Variants in UBXN6 observed in about 807,000 individuals in gnomAD.
The protein encoded by UBXN6 is UBX domain-containing protein 6.
Under a neutral mutation model 51.4 loss-of-function variants are expected in UBXN6, and 44 were observed. That is an observed-to-expected ratio of 0.86 (90% CI 0.67 to 1.10). The LOEUF (loss-of-function observed/expected upper bound fraction) is 1.10, where lower values mean the gene tolerates loss of function less well. UBXN6 is among the 50% of genes least tolerant of loss of function. The probability of loss-of-function intolerance (pLI) is 0.00; values close to 1 mark genes in which losing one functional copy is unlikely to be tolerated. For missense variants in UBXN6, 672 were observed against 596.1 expected (o/e 1.13, Z -1.32); for synonymous variants, 316 against 263.2 (o/e 1.20, Z -1.94).
At chr19:4,455,968 T>A (rs1429074026) in intron 1 of UBXN6, among the ~76,000 whole-genome samples, 1 of 151,990 alleles carries the variant, frequency 6.6e-6, no homozygotes, top group Non-Finnish European at 1.5e-5. Flanking sequence ...ATCGGCTCCC[T>A]CTAGAAGGTG....
At chr19:4,448,634 A>G (rs1974591847) in intron 4 of UBXN6, 6 of 580,692 alleles carry the variant, frequency 1.0e-5, no homozygotes, top group Non-Finnish European at 9.2e-6. Context: ...AGCAGAACTC[A>G]AGTCTCCCCT....
At position 4,457,615 on chromosome 19, in the gene UBXN6, C is replaced by T; in HGVS notation, c.83G>A (p.Gly28Glu). ...TCAAGCCCCTGCGTTCCTCACGCAC[C>T]CCACGGACTCTTTGAGCTTCTGACC... ...GPGQKLKESV[G>E]EKAHKEKPNQ... Residue 28 changes from glycine (G) to glutamate (E), a missense_variant and splice_region_variant, in exon 1 of 11, where the codon GGG becomes GAG. Transcript: ENST00000301281. The T allele has an allele frequency of 6.3e-7, 1 of 1,597,586 alleles. No homozygotes were observed.
chr19:4,446,425 G>A lies in UBXN6; in HGVS notation c.921-12C>T. The A allele has an allele frequency of 6.3e-6, 10 of 1,577,684 alleles. No individual in the cohort carries two copies. Among genetic ancestry groups the A allele is most frequent in the Non-Finnish European group, 7.7e-6 (9 of 1,168,130 alleles). On this transcript the variant is annotated splice_polypyrimidine_tract_variant and intron_variant, in intron 8 of 10. Coordinates refer to ENST00000301281, the MANE Select transcript of UBXN6 (RefSeq NM_025241.3). ...CCACCGCCTCGGACCTGCACACGCG[G>A]GCCAGGTCACGAGGGCTGGCCGGGG...
chr19:4,457,721 G>T lies in UBXN6; in HGVS notation c.-24C>A. On this transcript the variant is annotated 5_prime_UTR_variant, in exon 1 of 11. Coordinates refer to ENST00000301281, the MANE Select transcript of UBXN6 (RefSeq NM_025241.3). ...ATGGTGGCGGCTGGCCCGGCGGCGGGGGGCCGCGGGGGCGGGGGGGCACGG... is the reference window on the plus strand; with the variant it reads ...ATGGTGGCGGCTGGCCCGGCGGCGGTGGGCCGCGGGGGCGGGGGGGCACGG... 6.7e-7 allele frequency: 1 copy of T among 1,494,484 alleles called. No homozygotes were observed. The highest frequency in any genetic ancestry group is 1.2e-5 in the South Asian group (1 of 80,518). 92.6% of individuals were successfully genotyped at this position (1,494,484 alleles called of 1,614,324 possible).
chr19:4,449,135 C>G (rs569049967), intron 4 of UBXN6: 2 of 152,752 alleles, frequency 1.3e-5, no homozygotes, highest in East Asian at 1.9e-4. Flanking sequence ...ACCCTAAGAC[C>G]TGGAAAAGAT....
At chr19:4,455,271 CA>C (rs1040464170) in intron 1 of UBXN6, 1 of 985,462 alleles carries the variant, frequency 1.0e-6, no homozygotes, top group Non-Finnish European at 1.2e-6. Context: ...TCTGGGAGGC[CA>C]GGCTCTCAGT....
upstream of UBXN6, chr19:4,457,820 A>G (rs1974764511): frequency 1.9e-6 from 1 of 539,806 alleles, no homozygotes; most frequent in Non-Finnish European, 2.7e-6. Flanking sequence ...AAAAAAAAAA[A>G]AAATTTACCT....
rs1974475730 is a variant in UBXN6, at chr19:4,445,093, T to TCA, written c.*403_*404dup. 1 of 190,672 alleles carries TCA rather than the reference T, an allele frequency of 5.2e-6. No individual in the cohort carries two copies. The highest frequency in any genetic ancestry group is 5.5e-5 in the Admixed American group (1 of 18,206). 11.8% of individuals were successfully genotyped at this position (190,672 alleles called of 1,614,324 possible). On this transcript the variant is annotated 3_prime_UTR_variant, in exon 11 of 11. Coordinates refer to ENST00000301281, the MANE Select transcript of UBXN6 (RefSeq NM_025241.3). ...AGGCCAGCATCCCCTCCTGCCGTTG[T>TCA]CACCCACATCCACAGAGCAGCCCTA...
chr19:4,452,324 A>T (rs769069644), intron 4 of UBXN6, 40 bp downstream of exon 4: 2 of 1,603,476 alleles, frequency 1.2e-6, no homozygotes, highest in East Asian at 4.5e-5. Flanking sequence ...AGGCACAGGA[A>T]GCTACAGGTT....
chr19:4,453,560 T>C (rs1974692166), intron 2 of UBXN6, 38 bp from the exon 3 acceptor site: 2 of 1,606,946 alleles, frequency 1.2e-6, no homozygotes, highest in African/African-American at 1.3e-5. Flanking sequence ...AGAGACGGGA[T>C]AGTGAGCACG....
At chr19:4,447,733 C>CA in intron 5 of UBXN6, 108 bp from the exon 6 acceptor site, 1 of 1,171,570 alleles carries the variant, frequency 8.5e-7, no homozygotes, top group South Asian at 1.2e-5. Flanking sequence ...GGCCTCTAGT[C>CA]AGAGGGAAGA....
In UBXN6 at chr19:4,446,685, G is replaced by T; in HGVS notation, c.735C>A (p.Thr245=). ...DPEEFYVLSE[T]TLAQPQSLER... ...CCAGGCTCTGGGGCTGGGCCAAGGTGGTCTCGCTCAGCACGTAGAACTCCT... is the reference window on the plus strand; with the variant it reads ...CCAGGCTCTGGGGCTGGGCCAAGGTTGTCTCGCTCAGCACGTAGAACTCCT... Residue 245 remains threonine (T), a synonymous_variant, in exon 8 of 11, where the codon ACC becomes ACA. Transcript: ENST00000301281. 1 of 1,611,390 alleles carries T rather than the reference G, an allele frequency of 6.2e-7. No individual in the cohort carries two copies. Among genetic ancestry groups the T allele is most frequent in the Non-Finnish European group, 8.5e-7 (1 of 1,178,598 alleles).
Position 4,445,596 on chromosome 19 carries a change from A to T in UBXN6, c.1228T>A (p.Trp410Arg), listed in dbSNP as rs1353801949. ...LVPSALLTFS[W>R]DMAVLEDIKA... ...ATGTCCTCCAGCACAGCCATGTCCC[A>T]CGAGAAGGTCAGGAGGGCAGAGGGC... The change falls in exon 11 of 11, where the codon TGG (tryptophan) becomes AGG (arginine). Residue 410 changes from tryptophan to arginine, a missense_variant. By Grantham distance (101) the Trp-to-Arg change is moderately radical. Coordinates refer to ENST00000301281, the MANE Select transcript of UBXN6 (RefSeq NM_025241.3). 9 of 1,613,578 alleles carry T rather than the reference A, an allele frequency of 5.6e-6. No homozygotes were observed. Among genetic ancestry groups the T allele is most frequent in the Non-Finnish European group, 7.6e-6 (9 of 1,179,944 alleles).
At chr19:4,447,354 G>A in intron 6 of UBXN6, 196 bp downstream of exon 6, 2 of 608,902 alleles carry the variant, frequency 3.3e-6, no homozygotes, top group Non-Finnish European at 5.9e-6. Flanking sequence ...TGTTGATTTG[G>A]GGTGACCGGT....
At chr19:4,453,324 C>T in intron 3 of UBXN6, 134 bp downstream of exon 3, 11 of 977,484 alleles carry the variant, frequency 1.1e-5, no homozygotes, top group Non-Finnish European at 1.7e-5. Context: ...CCACCACAAC[C>T]TGTGTCCACC....
At chr19:4,455,120 A>G (rs541689701) in intron 1 of UBXN6, 61 of 800,750 alleles carry the variant, frequency 7.6e-5, no homozygotes, top group Non-Finnish European at 9.2e-5. Flanking sequence ...CACGTGGCAC[A>G]GTGACCTGGC....
intron 10 of UBXN6, 92 bp downstream of exon 10, chr19:4,445,957 C>T (rs765195277): frequency 1.3e-6 from 2 of 1,505,696 alleles, no homozygotes; most frequent in Non-Finnish European, 1.8e-6. Flanking sequence ...GCTCTGAGAA[C>T]AAGGAGGCTC....
chr19:4,448,132 TGAGGCCCAAG>T, intron 5 of UBXN6, 176 bp downstream of exon 5: 2 of 611,380 alleles, frequency 3.3e-6, no homozygotes. Context: ...ACGGGTAAAC[TGAGGCCCAAG>T]GAGGCCCAGC....
chr19:4,446,399 T>C lies in UBXN6; in HGVS notation c.935A>G (p.Glu312Gly). ...CTTGGTCCGCAGCACGCTCAGCCGC[T>C]CCACCGCCTCGGACCTGCACACGCG... ...REQRLRSEAV[E>G]RLSVLRTKAM... Residue 312 changes from glutamate to glycine, a missense_variant, in exon 9 of 11, where the codon GAG becomes GGG. Physicochemically the swap from Glu to Gly is moderately conservative, Grantham distance 98. Transcript: ENST00000301281. 1 of 1,578,822 alleles carries C rather than the reference T, an allele frequency of 6.3e-7. No homozygotes were observed. Among genetic ancestry groups the C allele is most frequent in the Non-Finnish European group, 8.6e-7 (1 of 1,169,544 alleles).
Sources: allele counts gnomAD v4.1 joint callset (sites outside exome capture counted in the v4.1 genomes callset), GRCh38; gene constraint gnomAD v4.1.1; transcripts MANE v1.5; gene names NCBI Gene and HGNC (gene_info 2026-07-23, HGNC 2026-07-21).